The following CENPE variants were observed in gnomAD, a reference collection of about 807,000 sequenced individuals.
The protein encoded by CENPE is centromere protein E, also known as centromere-associated protein E.
Under a neutral mutation model 336.1 loss-of-function variants are expected in CENPE, and 145 were observed. The ratio of observed to expected loss-of-function variants is 0.43; its 90% CI spans 0.38 to 0.50. The LOEUF is 0.50. Among genes scored for constraint, CENPE ranks in the 20% least tolerant of loss-of-function variants. The probability of loss-of-function intolerance (pLI) is 0.00; values close to 1 mark genes in which losing one functional copy is unlikely to be tolerated. For missense variants in CENPE, 2,719 were observed against 3,023.3 expected (o/e 0.90, Z 2.36); for synonymous variants, 1,013 against 984.8 (o/e 1.03, Z -0.54).
At chr4:103,147,152 T>A (rs1248772022) in intron 29 of CENPE, among the ~76,000 whole-genome samples, 4 of 152,200 alleles carry the variant, frequency 2.6e-5, no homozygotes, top group African/African-American at 9.6e-5. Flanking sequence ...AGTTCTTTTC[T>A]CTGAAACATC....
chr4:103,109,836 A>G (rs1209467172), intron 47 of CENPE, among the ~76,000 whole-genome samples: 1 of 152,142 alleles, frequency 6.6e-6, no homozygotes, highest in Non-Finnish European at 1.5e-5. Context: ...TAATCCTGCC[A>G]TTACATTTAG....
At chr4:103,135,342 C>T (rs1318772536) in intron 40 of CENPE, among the ~76,000 whole-genome samples, 2 of 152,154 alleles carry the variant, frequency 1.3e-5, no homozygotes, top group African/African-American at 2.4e-5. Flanking sequence ...AGCCCCCAAA[C>T]ATCTCAAATT....
At chr4:103,111,136 G>A in intron 46 of CENPE, 125 bp from the exon 47 acceptor site, 1 of 611,504 alleles carries the variant, frequency 1.6e-6, no homozygotes, top group Non-Finnish European at 2.7e-6. Flanking sequence ...TTATTTCCCT[G>A]GAAGTCACCC....
intron 22 of CENPE, 29 bp downstream of exon 22, chr4:103,158,981 C>G (rs1321914367): frequency 1.3e-6 from 2 of 1,531,880 alleles, no homozygotes; most frequent in East Asian, 4.5e-5. Context: ...GACTAAGGAG[C>G]ATTTCTCAAA....
At chr4:103,184,363 T>C (rs778156097) in intron 9 of CENPE, among the ~76,000 whole-genome samples, 1 of 152,222 alleles carries the variant, frequency 6.6e-6, no homozygotes, top group African/African-American at 2.4e-5. Flanking sequence ...TTATGAACTA[T>C]TCATTTATAT....
intron 8 of CENPE, among the ~76,000 whole-genome samples, chr4:103,191,664 G>GTGA (rs1553939884): frequency 6.9e-6 from 1 of 145,462 alleles, no homozygotes; most frequent in Non-Finnish European, 1.5e-5. Flanking sequence ...GGGGGGAGGG[G>GTGA]GGGATAGCAT....
chr4:103,132,377 T>C (rs1751661172), intron 42 of CENPE, among the ~76,000 whole-genome samples: 1 of 152,086 alleles, frequency 6.6e-6, no homozygotes, highest in Non-Finnish European at 1.5e-5. Context: ...TGTCTTACGA[T>C]CTCTAAGGCT....
intron 24 of CENPE, among the ~76,000 whole-genome samples, chr4:103,155,650 G>A (rs529535894): frequency 6.6e-6 from 1 of 152,110 alleles, no homozygotes; most frequent in South Asian, 2.1e-4. Context: ...TTGGCCTATG[G>A]TTATTCCAAA....
intron 24 of CENPE, among the ~76,000 whole-genome samples, chr4:103,155,785 G>A (rs1411989530): frequency 6.6e-6 from 1 of 152,170 alleles, no homozygotes; most frequent in Admixed American, 6.5e-5. Flanking sequence ...GTAAATGGGG[G>A]AAAATGCAGC....
Position 103,139,157 on chromosome 4 carries a change from ACAGT to A in CENPE, c.6204+628_6204+631del, listed in dbSNP as rs1752325376. Among the ~76,000 whole-genome samples, 2 of 108,770 alleles carry A rather than the reference ACAGT, an allele frequency of 1.8e-5. 1 individual carries two copies. The highest frequency in any genetic ancestry group is 4.6e-5 in the Non-Finnish European group (2 of 43,892). The allele number at this position is 108,770 out of a possible 152,430, so 71.4% of individuals were successfully genotyped here. ...TTTTCTCCCACTTATCTTGTTCACTACAGTACCTAGAAGAATATTTGATGAATGA... is the reference window on the plus strand; with the variant it reads ...TTTTCTCCCACTTATCTTGTTCACTAACCTAGAAGAATATTTGATGAATGA... On this transcript the variant is annotated intron_variant, in intron 38 of 48. Coordinates refer to ENST00000265148, the MANE Select transcript of CENPE (RefSeq NM_001813.3).
At position 103,160,690 on chromosome 4, in the gene CENPE, C is replaced by T. The variant is rs1754368573; in HGVS notation, c.2221G>A (p.Glu741Lys). The stretch of plus-strand genomic sequence containing the variant: ...AATTCTGAAAGCAAAATGACTTCTT[C>T]CCGCAAAGCTTCATTTTCTTCAACT... ...KEVEENEALREEVILLSELKS... is the reference protein window; with the variant it reads ...KEVEENEALRKEVILLSELKS... The change falls in exon 21 of 49, where the codon GAA (glutamate) becomes AAA (lysine). Residue 741 changes from glutamate to lysine, a missense_variant. Glu to Lys is a moderately conservative substitution (Grantham distance 56, BLOSUM62 1). Around this residue, in one of 5 missense-constraint regions of CENPE, gnomAD observed 2,437 missense variants for 2,513.3 expected, o/e 0.97. Coordinates refer to ENST00000265148, the MANE Select transcript of CENPE (RefSeq NM_001813.3). 1 of 1,610,972 alleles carries T rather than the reference C, an allele frequency of 6.2e-7. No individual in the cohort carries two copies. Among genetic ancestry groups the T allele is most frequent in the Non-Finnish European group, 8.5e-7 (1 of 1,178,374 alleles).
At chr4:103,138,299 G>T in intron 39 of CENPE, 52 bp downstream of exon 39, 1 of 1,246,432 alleles carries the variant, frequency 8.0e-7, no homozygotes, top group Non-Finnish European at 1.2e-6. Flanking sequence ...GTTTCGGTAA[G>T]CCTTTGGAAG....
At chr4:103,192,701 G>A (rs1578699850) in intron 8 of CENPE, among the ~76,000 whole-genome samples, 1 of 152,250 alleles carries the variant, frequency 6.6e-6, no homozygotes, top group African/African-American at 2.4e-5. Context: ...CTGGAAATAA[G>A]GAATATTCAC....
At chr4:103,195,276 A>G (rs1452521005) in intron 4 of CENPE, 43 bp from the exon 5 acceptor site, 5 of 1,536,812 alleles carry the variant, frequency 3.3e-6, no homozygotes, top group Non-Finnish European at 4.4e-6. Flanking sequence ...GAAGCATCCA[A>G]TTGTGAAAAC....
At chr4:103,183,168 T>G (rs926171064) in intron 10 of CENPE, 33 bp downstream of exon 10, 5 of 1,467,874 alleles carry the variant, frequency 3.4e-6, no homozygotes, top group Non-Finnish European at 4.7e-6. Context: ...AATATAAGAA[T>G]CAGTAGGTAA....
intron 33 of CENPE, among the ~76,000 whole-genome samples, chr4:103,144,063 A>G (rs1225437372): frequency 1.3e-5 from 2 of 151,974 alleles, no homozygotes; most frequent in Non-Finnish European, 1.5e-5. Flanking sequence ...CAGCCTCCCA[A>G]GTAGCTGGGA....
rs1264535287 is a variant in CENPE, at chr4:103,141,769, T to C, written c.5444A>G (p.Asn1815Ser). Residue 1815 changes from asparagine to serine, a missense_variant, in exon 35 of 49, where the codon AAT becomes AGT. Asn to Ser is a conservative substitution (Grantham distance 46, BLOSUM62 1). Coordinates refer to ENST00000265148, the MANE Select transcript of CENPE (RefSeq NM_001813.3). ...AAATACCTTTTCTTGTAATTTAGCATTTGAATTTTCTAAATCTTTTTGCAT... is the reference window on the plus strand; with the variant it reads ...AAATACCTTTTCTTGTAATTTAGCACTTGAATTTTCTAAATCTTTTTGCAT... ...SNMQKDLENS[N>S]AKLQEKIQEL... The C allele has an allele frequency of 6.5e-6, 10 of 1,533,256 alleles. No homozygotes were observed. Among genetic ancestry groups the C allele is most frequent in the Non-Finnish European group, 8.9e-6 (10 of 1,119,946 alleles). The allele number at this position is 1,533,256 out of a possible 1,614,324, so 95.0% of individuals were successfully genotyped here. A position where few individuals can be genotyped will look rare whatever the true frequency, so the allele number is the denominator to read the frequency against.
chr4:103,134,635 CAAAAAAA>C (rs36085712), intron 40 of CENPE, among the ~76,000 whole-genome samples: 1 of 64,772 alleles, frequency 1.5e-5, no homozygotes, highest in African/African-American at 6.3e-5. Context: ...GACTCCGTCT[CAAAAAAA>C]AAAAAAAAAA....
intron 16 of CENPE, among the ~76,000 whole-genome samples, chr4:103,166,994 C>T (rs1437844536): frequency 1.3e-5 from 2 of 152,044 alleles, no homozygotes; most frequent in African/African-American, 4.8e-5. Context: ...ATATTTTATA[C>T]TTAGAAAATG....
Sources: gnomAD v4.1 joint callset for allele counts (sites outside exome capture counted in the v4.1 genomes callset) on GRCh38, gnomAD v4.1.1 for gene constraint, gnomAD v4.1.1 regional missense constraint, MANE v1.5 for transcripts, NCBI Gene and HGNC (gene_info 2026-07-23, HGNC 2026-07-21) for gene names.